The following NAT2 variants were observed in gnomAD, a reference collection of about 807,000 sequenced individuals.
NAT2 encodes N-acetyltransferase 2, also known as arylamine N-acetyltransferase 2.
For missense variants in NAT2, 428 were observed against 339.1 expected (o/e 1.26, Z -2.06); for synonymous variants, 137 against 125.9 (o/e 1.09, Z -0.59).
intron 1 of NAT2, among the ~76,000 whole-genome samples, chr8:18,394,150 A>G (rs1442484397): frequency 1.3e-5 from 2 of 152,192 alleles, no homozygotes; most frequent in African/African-American, 4.8e-5. Flanking sequence ...GGGGGTCACA[A>G]GGTGCTCAGT....
At chr8:18,392,972 G>C (rs1013235627) in intron 1 of NAT2, among the ~76,000 whole-genome samples, 1 of 152,062 alleles carries the variant, frequency 6.6e-6, no homozygotes, top group East Asian at 1.9e-4. Flanking sequence ...AATCGCTCTG[G>C]ATCCTGGGAA....
chr8:18,388,616 A>C (rs1190384539), upstream of NAT2, among the ~76,000 whole-genome samples: 1 of 151,742 alleles, frequency 6.6e-6, no homozygotes, highest in Non-Finnish European at 1.5e-5. Context: ...TTTTGTTGTT[A>C]GCAAGGAAAC....
In NAT2 at chr8:18,400,779, C is replaced by T. The variant is rs1304162037; in HGVS notation, c.776C>T (p.Thr259Ile). The T allele has an allele frequency of 1.2e-6, 2 of 1,613,292 alleles. No individual in the cohort carries two copies. The highest frequency in any genetic ancestry group is 1.1e-5 in the South Asian group (1 of 91,022). ...NTDLVEFKTLTEEEVEEVLRN... is the reference protein window; with the variant it reads ...NTDLVEFKTLIEEEVEEVLRN... The stretch of plus-strand genomic sequence containing the variant: ...GATCTGGTCGAGTTTAAAACTCTCA[C>T]TGAGGAAGAGGTTGAAGAAGTGCTG... The change falls in exon 2 of 2, where the codon ACT becomes ATT. Residue 259 changes from threonine to isoleucine, a missense_variant. By Grantham distance (89) the Thr-to-Ile change is moderately conservative. Transcript: ENST00000286479.
chr8:18,387,077 G>A (rs1172065804), upstream of NAT2: 1 of 152,474 alleles, frequency 6.6e-6, no homozygotes, highest in Non-Finnish European at 1.5e-5. Context: ...GGCCTGGGGT[G>A]GGGGAAGGGG....
chr8:18,395,814 T>C (rs1340716795), intron 1 of NAT2, among the ~76,000 whole-genome samples: 2 of 152,182 alleles, frequency 1.3e-5, no homozygotes, highest in Non-Finnish European at 2.9e-5. Flanking sequence ...GTCATTCATT[T>C]AGGCAAAGTG....
At chr8:18,392,193 C>G (rs1003756017) in intron 1 of NAT2, among the ~76,000 whole-genome samples, 3 of 152,164 alleles carry the variant, frequency 2.0e-5, no homozygotes, top group African/African-American at 7.2e-5. Flanking sequence ...GTCTATTAGC[C>G]AGGACCCTTT....
chr8:18,397,920 T>C (rs1473174583), intron 1 of NAT2, among the ~76,000 whole-genome samples: 1 of 152,236 alleles, frequency 6.6e-6, no homozygotes, highest in Non-Finnish European at 1.5e-5. Flanking sequence ...GCTGAAGTGT[T>C]TCGTCTTAAA....
intron 1 of NAT2, among the ~76,000 whole-genome samples, chr8:18,398,958 G>A (rs573995386): frequency 9.9e-5 from 15 of 152,282 alleles, no homozygotes; most frequent in East Asian, 3.9e-4. Context: ...TTGATTAGGC[G>A]AACACTGTTC....
At chr8:18,386,554 C>CGA (rs1157226736), upstream of NAT2, among the ~76,000 whole-genome samples, 2 of 152,190 alleles carry the variant, frequency 1.3e-5, no homozygotes, top group Admixed American at 6.5e-5. Context: ...CAGCTTCTCC[C>CGA]GAGTGCCAGG....
At chr8:18,392,675 A>G (rs1212013515) in intron 1 of NAT2, among the ~76,000 whole-genome samples, 1 of 152,208 alleles carries the variant, frequency 6.6e-6, no homozygotes, top group Admixed American at 6.5e-5. Context: ...AATCCAATCA[A>G]GTTGACACTC....
At chr8:18,397,961 A>T (rs1032587972) in intron 1 of NAT2, among the ~76,000 whole-genome samples, 2 of 152,168 alleles carry the variant, frequency 1.3e-5, no homozygotes, top group Non-Finnish European at 2.9e-5. Flanking sequence ...TTCTTCCATT[A>T]TCACTTAATT....
At chr8:18,395,970 C>A (rs1365074404) in intron 1 of NAT2, among the ~76,000 whole-genome samples, 1 of 97,678 alleles carries the variant, frequency 1.0e-5, no homozygotes, top group Non-Finnish European at 2.0e-5. Flanking sequence ...TTTTTTTTTG[C>A]AGTTTTCTCA....
chr8:18,388,563 A>G (rs1314169322), upstream of NAT2, among the ~76,000 whole-genome samples: 1 of 151,732 alleles, frequency 6.6e-6, no homozygotes, highest in Non-Finnish European at 1.5e-5. Flanking sequence ...AGAGAAGATC[A>G]GGAAAGGAAG....
At chr8:18,399,300 T>A (rs1219045916) in intron 1 of NAT2, among the ~76,000 whole-genome samples, 1 of 152,204 alleles carries the variant, frequency 6.6e-6, no homozygotes, top group Non-Finnish European at 1.5e-5. Flanking sequence ...GTGCTCTCCC[T>A]GTGCACCCAC....
chr8:18,399,219 T>C (rs995774276), intron 1 of NAT2, among the ~76,000 whole-genome samples: 12 of 152,098 alleles, frequency 7.9e-5, no homozygotes, highest in African/African-American at 2.7e-4. Flanking sequence ...CTCACACATA[T>C]CCACAGAACT....
rs749810939 is a variant in NAT2 at position 18,400,635 on chromosome 8, C to A, written c.632C>A (p.Thr211Lys). 1 of 1,613,982 alleles carries A rather than the reference C, an allele frequency of 6.2e-7. No homozygotes were observed. Among genetic ancestry groups the A allele is most frequent in the South Asian group, 1.1e-5 (1 of 91,084 alleles). ...DFESMNTYLQ[T>K]SPTSSFITTS... is the part of the protein sequence containing the mutation. ...GAGTCTATGAATACATACCTGCAGA[C>A]GTCTCCAACATCTTCATTTATAACC... The change falls in exon 2 of 2, where the codon ACG (threonine) becomes AAG (lysine). Residue 211 changes from threonine to lysine, a missense_variant. Thr to Lys is a moderately conservative substitution (Grantham distance 78). Transcript: ENST00000286479.
At chr8:18,386,548 T>A (rs1800509080), upstream of NAT2, among the ~76,000 whole-genome samples, 1 of 152,194 alleles carries the variant, frequency 6.6e-6, no homozygotes, top group South Asian at 2.1e-4. Context: ...GGGCTCCAGC[T>A]TCTCCCGAGT....
chr8:18,394,112 A>G (rs187139582), intron 1 of NAT2, among the ~76,000 whole-genome samples: 1 of 151,924 alleles, frequency 6.6e-6, no homozygotes, highest in East Asian at 1.9e-4. Context: ...GTACAGTCAA[A>G]GGGGGGTTGT....
In NAT2 at chr8:18,400,390, C is replaced by T. The variant is rs144828000; in HGVS notation, c.387C>T (p.Ser129=). ...TCGATGCTGGGTCTGGAAGCTCCTC[C>T]CAGATGTGGCAGCCTCTAGAATTAA... The part of the protein sequence containing the change: ...YIVDAGSGSS[S]QMWQPLELIS... Residue 129 remains serine (S), a synonymous_variant, in exon 2 of 2, where the codon TCC becomes TCT. Transcript: ENST00000286479. 418 of 1,611,730 alleles carry T rather than the reference C, an allele frequency of 2.6e-4. 14 individuals carry two copies. In the South Asian group the frequency reaches 3.3e-3, roughly 13 times the overall value.
Sources: allele counts gnomAD v4.1 joint callset (sites outside exome capture counted in the v4.1 genomes callset), GRCh38; gene constraint gnomAD v4.1.1; transcripts MANE v1.5; gene names NCBI Gene and HGNC (gene_info 2026-07-23, HGNC 2026-07-21).